SLC1A1: variants seen among roughly 807,000 people sequenced by gnomAD.
SLC1A1 encodes solute carrier family 1 member 1.
A neutral mutation model predicts 53.3 loss-of-function variants in SLC1A1; 43 were observed. That is an observed-to-expected ratio of 0.81 (90% CI 0.63 to 1.04). SLC1A1 has a LOEUF of 1.04. SLC1A1 is among the 50% of genes least tolerant of loss of function. The pLI is 0.00. For synonymous variants in SLC1A1, 307 were observed against 243.2 expected (o/e 1.26, Z -2.44); for missense variants, 748 against 664.9 (o/e 1.12, Z -1.37).
intron 7 of SLC1A1, among the ~76,000 whole-genome samples, chr9:4,573,190 T>C (rs1408675023): frequency 2.0e-5 from 3 of 152,150 alleles, no homozygotes; most frequent in Non-Finnish European, 1.5e-5. Flanking sequence ...TGCCAAAAAG[T>C]CCACCTTTCT....
chr9:4,550,924 G>T (rs1322789959), intron 2 of SLC1A1, among the ~76,000 whole-genome samples: 2 of 152,182 alleles, frequency 1.3e-5, no homozygotes, highest in Non-Finnish European at 2.9e-5. Flanking sequence ...GTATGTAAAT[G>T]ATTGAGGGTG....
chr9:4,523,975 C>T (rs1816174988), intron 1 of SLC1A1, among the ~76,000 whole-genome samples: 1 of 152,168 alleles, frequency 6.6e-6, no homozygotes, highest in African/African-American at 2.4e-5. Context: ...TTCCTTTCTT[C>T]CTTCAAAATG....
intron 1 of SLC1A1, among the ~76,000 whole-genome samples, chr9:4,528,571 G>A (rs771091841): frequency 1.5e-4 from 23 of 152,050 alleles, no homozygotes; most frequent in Non-Finnish European, 2.2e-4. Flanking sequence ...GCAGGACTCC[G>A]TCTCAAAAAA....
At chr9:4,531,914 G>A (rs1283221381) in intron 1 of SLC1A1, among the ~76,000 whole-genome samples, 1 of 152,156 alleles carries the variant, frequency 6.6e-6, no homozygotes, top group Non-Finnish European at 1.5e-5. Context: ...CCACTGTTCT[G>A]CAGTCTCCGC....
intron 10 of SLC1A1, among the ~76,000 whole-genome samples, chr9:4,577,001 C>T (rs1820611104): frequency 6.6e-6 from 1 of 152,198 alleles, no homozygotes. Context: ...GATCTAGGCA[C>T]AGGCTAGCAC....
intron 11 of SLC1A1, 105 bp from the exon 12 acceptor site, chr9:4,585,207 C>A: frequency 6.8e-7 from 1 of 1,473,050 alleles, no homozygotes; most frequent in South Asian, 1.2e-5. Flanking sequence ...GCACTTTCTG[C>A]ACTTACTGAA....
At chr9:4,550,553 C>A (rs1171232144) in intron 2 of SLC1A1, among the ~76,000 whole-genome samples, 9 of 152,104 alleles carry the variant, frequency 5.9e-5, no homozygotes, top group African/African-American at 1.7e-4. Flanking sequence ...ACCACCATGC[C>A]TGGCTAATTC....
chr9:4,552,102 G>T (rs112648016), intron 2 of SLC1A1, among the ~76,000 whole-genome samples: 4,760 of 152,318 alleles, frequency 0.031, 111 homozygotes, highest in South Asian at 0.057. Flanking sequence ...CTGTTCAGCT[G>T]TAAGATAACC....
rs886063966 is a variant in SLC1A1 at position 4,585,669 on chromosome 9, G to T, written c.*111G>T. The T allele has an allele frequency of 2.4e-5, 32 of 1,318,680 alleles. 2 individuals carry two copies. The Middle Eastern group carries it at 5.6e-4, about 23-fold the overall frequency. 81.7% of individuals were successfully genotyped at this position (1,318,680 alleles called of 1,614,324 possible). A position where few individuals can be genotyped will look rare whatever the true frequency, so the allele number is the denominator to read the frequency against. ...TAATGGCCAAGTGTACATTTGATTT[G>T]ATATACAGACCTCCAGATTATTTTC... is the stretch of plus-strand genomic sequence containing the variant. On this transcript the variant is annotated 3_prime_UTR_variant, in exon 12 of 12. Coordinates refer to ENST00000262352, the MANE Select transcript of SLC1A1 (RefSeq NM_004170.6).
At chr9:4,528,581 A>G (rs1443347869) in intron 1 of SLC1A1, among the ~76,000 whole-genome samples, 1 of 152,122 alleles carries the variant, frequency 6.6e-6, no homozygotes, top group East Asian at 1.9e-4. Context: ...GTCTCAAAAA[A>G]CAAACAAACA....
Position 4,490,753 on chromosome 9 carries a change from TG to T in SLC1A1, c.76del (p.Ala26ProfsTer5). 2 of 1,612,178 alleles carry T rather than the reference TG, an allele frequency of 1.2e-6. No homozygotes were observed. Among genetic ancestry groups the T allele is most frequent in the Non-Finnish European group, 1.7e-6 (2 of 1,178,650 alleles). On this transcript the variant is annotated frameshift_variant, in exon 1 of 12. Coordinates refer to ENST00000262352, the MANE Select transcript of SLC1A1 (RefSeq NM_004170.6). LOFTEE classifies it high-confidence loss of function. ...AATAACTGGGTGTTGCTGTCCACCG[TG>T]GCCGCGGTGGTGCTAGGTGAGCGGC... ...LKNNWVLLST[V>X]AAVVLGITTG...
intron 4 of SLC1A1, among the ~76,000 whole-genome samples, chr9:4,565,408 G>A (rs1819388329): frequency 1.3e-5 from 2 of 152,174 alleles, no homozygotes; most frequent in South Asian, 4.1e-4. Flanking sequence ...ACGGGAAGAG[G>A]CTTAATTAAG....
intron 1 of SLC1A1, among the ~76,000 whole-genome samples, chr9:4,526,442 C>T (rs939919733): frequency 9.2e-5 from 14 of 151,918 alleles, no homozygotes; most frequent in African/African-American, 2.7e-4. Flanking sequence ...CACAAACTGA[C>T]GTGAGTAGTA....
chr9:4,538,627 G>A (rs1479394385), intron 1 of SLC1A1, among the ~76,000 whole-genome samples: 1 of 152,148 alleles, frequency 6.6e-6, no homozygotes, highest in Non-Finnish European at 1.5e-5. Context: ...TGCAGGCAGA[G>A]CTGCTATAAT....
intron 1 of SLC1A1, among the ~76,000 whole-genome samples, chr9:4,514,039 AG>A (rs1354657854): frequency 6.6e-6 from 1 of 152,246 alleles, no homozygotes; most frequent in Non-Finnish European, 1.5e-5. Flanking sequence ...TTAGGAATGG[AG>A]AAAGGTGTGA....
At chr9:4,509,169 G>GCAAAAAAGCATGTAAA (rs926451132) in intron 1 of SLC1A1, among the ~76,000 whole-genome samples, 1 of 151,856 alleles carries the variant, frequency 6.6e-6, no homozygotes, top group Non-Finnish European at 1.5e-5. Context: ...GAGTGTGAAA[G>GCAAAAAAGCATGTAAA]CAAAAAAGCA....
At chr9:4,562,021 G>C (rs1458111393) in intron 3 of SLC1A1, among the ~76,000 whole-genome samples, 1 of 149,744 alleles carries the variant, frequency 6.7e-6, no homozygotes, top group Non-Finnish European at 1.5e-5. Context: ...GCCTCCCAAA[G>C]TGCTGGAATT....
intron 1 of SLC1A1, among the ~76,000 whole-genome samples, chr9:4,518,628 A>C (rs933266627): frequency 6.6e-6 from 1 of 151,822 alleles, no homozygotes; most frequent in African/African-American, 2.4e-5. Context: ...CCCTATTCCA[A>C]CTCCAGCTGC....
At chr9:4,509,053 T>G (rs1417244241) in intron 1 of SLC1A1, among the ~76,000 whole-genome samples, 1 of 152,088 alleles carries the variant, frequency 6.6e-6, no homozygotes, top group African/African-American at 2.4e-5. Flanking sequence ...AGGAAAGGCT[T>G]TCTGGAGGAG....
Sources: allele counts gnomAD v4.1 joint callset (sites outside exome capture counted in the v4.1 genomes callset), GRCh38; gene constraint gnomAD v4.1.1; transcripts MANE v1.5; gene names NCBI Gene and HGNC (gene_info 2026-07-23, HGNC 2026-07-21).